The following PHACTR1 variants were observed in gnomAD, a reference collection of about 807,000 sequenced individuals.
PHACTR1 encodes phosphatase and actin regulator 1.
PHACTR1 carries 16 observed loss-of-function variants against 69.2 expected under a neutral mutation model. That is an observed-to-expected ratio of 0.23 (90% confidence interval 0.16 to 0.35). The LOEUF (loss-of-function observed/expected upper bound fraction) is 0.35, where lower values mean the gene tolerates loss of function less well. PHACTR1 is among the 10% of genes least tolerant of loss of function. The probability of loss-of-function intolerance (pLI) is 1.00; values close to 1 mark genes in which losing one functional copy is unlikely to be tolerated. For missense variants in PHACTR1, 510 were observed against 734.7 expected (o/e 0.69, Z 3.54); for synonymous variants, 312 against 284.5 (o/e 1.10, Z -0.97).
chr6:12,974,056 GAAC>G (rs996776169), intron 4 of PHACTR1, among the ~76,000 whole-genome samples: 4 of 151,408 alleles, frequency 2.6e-5, no homozygotes, highest in Admixed American at 6.6e-5. Context: ...CGAGTAACTG[GAAC>G]AACAGGCATG....
At chr6:12,991,061 C>T (rs147722684) in intron 4 of PHACTR1, among the ~76,000 whole-genome samples, 44 of 152,278 alleles carry the variant, frequency 2.9e-4, no homozygotes, top group African/African-American at 9.4e-4. Flanking sequence ...TAACTTTTCT[C>T]ATTTAGGGCC....
In PHACTR1 at chr6:12,905,822, T is replaced by A. The variant is rs1930430; in HGVS notation, c.251-147543T>A. On this transcript the variant is annotated intron_variant, in intron 4 of 14. Transcript: ENST00000332995. ...TTATACATTTAAGATGATATTAGGA[T>A]AGTAGGGGCTTAGAATATTCCTACG... 0.01 allele frequency among the ~76,000 whole-genome samples: 1,527 copies of A among 152,342 alleles called. 36 individuals carry two copies. In the South Asian group the frequency reaches 0.1, roughly 10 times the overall value.
intron 5 of PHACTR1, among the ~76,000 whole-genome samples, chr6:13,097,493 G>A (rs746032300): frequency 1.3e-5 from 2 of 152,152 alleles, no homozygotes; most frequent in Admixed American, 6.6e-5. Flanking sequence ...TTTCTTGATT[G>A]TAAGAGCAGA....
At chr6:12,831,218 T>C (rs1237511436) in intron 4 of PHACTR1, among the ~76,000 whole-genome samples, 1 of 152,196 alleles carries the variant, frequency 6.6e-6, no homozygotes, top group East Asian at 1.9e-4. Flanking sequence ...CATGAACAAA[T>C]ACATGAATGA....
intron 4 of PHACTR1, among the ~76,000 whole-genome samples, chr6:12,965,451 C>CATTT (rs60864787): frequency 0.18 from 23,377 of 131,776 alleles, 2,353 homozygotes; most frequent in South Asian, 0.26. Context: ...TATTTTGTGC[C>CATTT]TTTTTTTTTT....
chr6:13,219,546 G>A (rs1768271708), intron 8 of PHACTR1, among the ~76,000 whole-genome samples: 2 of 152,176 alleles, frequency 1.3e-5, no homozygotes, highest in Admixed American at 1.3e-4. Flanking sequence ...GTTGTGCAAG[G>A]CTGGATTATC....
In PHACTR1 at chr6:12,823,289, A is replaced by G. The variant is rs371892443; in HGVS notation, c.250+73499A>G. Among the ~76,000 whole-genome samples, 27 of 152,370 alleles carry G rather than the reference A, an allele frequency of 1.8e-4. 1 individual carries two copies. In the South Asian group the frequency reaches 5.4e-3, roughly 30 times the overall value. ...AAGTGTTTGGAAGAAGAAATGACACATGGTGAGTGCTTAATTTGATATTTT... is the reference window on the plus strand; with the variant it reads ...AAGTGTTTGGAAGAAGAAATGACACGTGGTGAGTGCTTAATTTGATATTTT... On this transcript the variant is annotated intron_variant, in intron 4 of 14. Transcript: ENST00000332995.
At chr6:12,792,983 T>C (rs1301796396) in intron 4 of PHACTR1, among the ~76,000 whole-genome samples, 1 of 152,120 alleles carries the variant, frequency 6.6e-6, no homozygotes, top group African/African-American at 2.4e-5. Flanking sequence ...TTGCTCCCAG[T>C]CAAGTTCGTG....
intron 8 of PHACTR1, among the ~76,000 whole-genome samples, chr6:13,215,863 C>A (rs1767594548): frequency 6.6e-6 from 1 of 152,210 alleles, no homozygotes; most frequent in Non-Finnish European, 1.5e-5. Flanking sequence ...CCAGTCCAAT[C>A]TGGATGATCA....
intron 4 of PHACTR1, among the ~76,000 whole-genome samples, chr6:13,028,277 C>G (rs1400296198): frequency 6.6e-6 from 1 of 152,174 alleles, no homozygotes; most frequent in Admixed American, 6.5e-5. Flanking sequence ...TAAAGAAACA[C>G]ACACTGAGAT....
intron 4 of PHACTR1, among the ~76,000 whole-genome samples, chr6:12,979,729 CAAA>C (rs761107919): frequency 2.3e-5 from 3 of 127,860 alleles, no homozygotes; most frequent in Admixed American, 7.8e-5. Flanking sequence ...CCCCCTCCTC[CAAA>C]AAAAAAAAAA....
At chr6:13,273,998 T>C (rs1388859425) in intron 11 of PHACTR1, 1 of 149,498 alleles carries the variant, frequency 6.7e-6, no homozygotes, top group Non-Finnish European at 1.5e-5. Context: ...TAAGATATTC[T>C]TGACTTTACC....
At chr6:12,783,204 C>T (rs750784248) in intron 4 of PHACTR1, among the ~76,000 whole-genome samples, 1 of 152,116 alleles carries the variant, frequency 6.6e-6, no homozygotes, top group Non-Finnish European at 1.5e-5. Flanking sequence ...TTGTCATCTC[C>T]CTGCATCCAT....
intron 10 of PHACTR1, among the ~76,000 whole-genome samples, chr6:13,237,431 A>C (rs139582851): frequency 6.6e-6 from 1 of 152,152 alleles, no homozygotes. Context: ...ATTCAGCCCA[A>C]TGACTCCATC....
intron 5 of PHACTR1, among the ~76,000 whole-genome samples, chr6:13,083,047 A>G (rs1014272453): frequency 2.6e-5 from 4 of 152,138 alleles, no homozygotes; most frequent in Non-Finnish European, 4.4e-5. Context: ...GGTATTGCCT[A>G]GGTTTTCTTC....
At chr6:13,100,562 C>T (rs1814995242) in intron 5 of PHACTR1, among the ~76,000 whole-genome samples, 1 of 152,192 alleles carries the variant, frequency 6.6e-6, no homozygotes, top group South Asian at 2.1e-4. Flanking sequence ...TCCTCTCTTA[C>T]CTTGCAATGG....
chr6:12,730,464 A>T (rs1763353624), intron 3 of PHACTR1, among the ~76,000 whole-genome samples: 1 of 150,264 alleles, frequency 6.7e-6, no homozygotes, highest in Non-Finnish European at 1.5e-5. Flanking sequence ...CATTTAAAAA[A>T]ACACACGTGA....
chr6:13,084,332 A>G (rs1440821827), intron 5 of PHACTR1, among the ~76,000 whole-genome samples: 5 of 133,922 alleles, frequency 3.7e-5, no homozygotes, highest in Non-Finnish European at 4.6e-5. Context: ...ATGAGAACAC[A>G]TGGACACAGG....
At chr6:12,945,555 C>T (rs1790579621) in intron 4 of PHACTR1, among the ~76,000 whole-genome samples, 1 of 152,166 alleles carries the variant, frequency 6.6e-6, no homozygotes, top group Admixed American at 6.5e-5. Flanking sequence ...AGTGTACGGT[C>T]ATTAAATGCT....
Sources: gnomAD v4.1 joint callset for allele counts (sites outside exome capture counted in the v4.1 genomes callset) on GRCh38, gnomAD v4.1.1 for gene constraint, MANE v1.5 for transcripts, NCBI Gene and HGNC (gene_info 2026-07-23, HGNC 2026-07-21) for gene names.